FOXM1: variants seen among roughly 807,000 people sequenced by gnomAD.
FOXM1 encodes the protein forkhead box M1.
A neutral mutation model predicts 63.6 loss-of-function variants in FOXM1; 25 were observed. The ratio of observed to expected loss-of-function variants is 0.39; its 90% CI spans 0.29 to 0.55. The LOEUF is 0.55. Among genes scored for constraint, FOXM1 ranks in the 20% least tolerant of loss-of-function variants. FOXM1 has a pLI of 0.60. For missense variants in FOXM1, 879 were observed against 958.7 expected (o/e 0.92, Z 1.10); for synonymous variants, 387 against 376.9 (o/e 1.03, Z -0.31).
intron 8 of FOXM1, among the ~76,000 whole-genome samples, chr12:2,863,012 T>C (rs906024378): frequency 6.6e-6 from 1 of 152,050 alleles, no homozygotes; most frequent in Non-Finnish European, 1.5e-5. Context: ...TGATGGCTGA[T>C]CCAAGTTGGC....
chr12:2,875,259 C>T (rs2098140593), intron 1 of FOXM1, among the ~76,000 whole-genome samples: 1 of 152,156 alleles, frequency 6.6e-6, no homozygotes, highest in South Asian at 2.1e-4. Context: ...TCCCAAAGTG[C>T]TGGGATTACA....
At position 2,859,356 on chromosome 12, in the gene FOXM1, C is replaced by A. The variant is rs780641311; in HGVS notation, c.1574G>T (p.Arg525Leu). The change falls in exon 9 of 9, where the codon CGG becomes CTG. Residue 525 changes from arginine (R) to leucine (L), a missense_variant. Transcript: ENST00000359843. The part of the protein sequence containing the change: ...KSYSGLRSPT[R>L]CVSEMLVIQH... ...AATCACAAGCATTTCCGAGACACACCGGGTTGGGGACCTAAGCCCACTGTA... is the reference window on the plus strand; with the variant it reads ...AATCACAAGCATTTCCGAGACACACAGGGTTGGGGACCTAAGCCCACTGTA... 1 of 1,613,728 alleles carries A rather than the reference C, an allele frequency of 6.2e-7. No homozygotes were observed. Among genetic ancestry groups the A allele is most frequent in the Non-Finnish European group, 8.5e-7 (1 of 1,179,976 alleles).
rs998228169 is a variant in FOXM1 at position 2,857,872 on chromosome 12, T to C, written c.*766A>G. 4 of 152,290 alleles carry C rather than the reference T, an allele frequency of 2.6e-5. No homozygotes were observed. The highest frequency in any genetic ancestry group is 9.7e-5 in the African/African-American group (4 of 41,444). 9.4% of individuals were successfully genotyped at this position (152,290 alleles called of 1,614,324 possible). A position where few individuals can be genotyped will look rare whatever the true frequency, so the allele number is the denominator to read the frequency against. ...GTCAATGCCAGTCTCCCTGGTATGA[T>C]TGGGGACATTATCAGAGAAACATCT... On this transcript the variant is annotated 3_prime_UTR_variant, in exon 9 of 9. Coordinates refer to ENST00000359843, the MANE Select transcript of FOXM1 (RefSeq NM_021953.4).
At chr12:2,865,945 A>G (rs1396879461) in intron 5 of FOXM1, among the ~76,000 whole-genome samples, 1 of 152,062 alleles carries the variant, frequency 6.6e-6, no homozygotes, top group Non-Finnish European at 1.5e-5. Flanking sequence ...GAGCCACCAC[A>G]CCCAGCAGGA....
At chr12:2,875,861 A>T (rs950844663) in intron 1 of FOXM1, among the ~76,000 whole-genome samples, 1 of 151,364 alleles carries the variant, frequency 6.6e-6, no homozygotes, top group Non-Finnish European at 1.5e-5. Flanking sequence ...CCCGGGTTCA[A>T]GCGATTCTCC....
chr12:2,865,030 T>C (rs2098120605), intron 6 of FOXM1: 1 of 581,576 alleles, frequency 1.7e-6, no homozygotes, highest in South Asian at 2.1e-5. Context: ...CAGGTAGCTA[T>C]ATGCGTGGCA....
In FOXM1 at chr12:2,858,928, G is replaced by T. The variant is rs189481330; in HGVS notation, c.2002C>A (p.Pro668Thr). The change falls in exon 9 of 9, where the codon CCC becomes ACC. Residue 668 changes from proline to threonine, a missense_variant. This residue lies in a region of FOXM1 where 486 missense variants were observed against 453.5 expected (regional missense o/e 1.07). Coordinates refer to ENST00000359843, the MANE Select transcript of FOXM1 (RefSeq NM_021953.4). ...AGCCTTTGCGGTGATTCAAGGGGGG[G>T]AGCACTTTGCAAGGGAGTGGTGCTG... ...DLSTTPLQSA[P>T]PLESPQRLLS... The T allele has an allele frequency of 4.7e-4, 753 of 1,613,750 alleles. 4 individuals carry two copies. In the Admixed American group the frequency reaches 0.012, roughly 25 times the overall value.
Position 2,858,873 on chromosome 12 carries a change from G to C in FOXM1, c.2057C>G (p.Ser686Cys). The change falls in exon 9 of 9, where the codon TCC becomes TGC. Residue 686 changes from serine (S) to cysteine (C), a missense_variant. By Grantham distance (112) the Ser-to-Cys change is moderately radical. This residue lies in a region of FOXM1 where 486 missense variants were observed against 453.5 expected (regional missense o/e 1.07). Coordinates refer to ENST00000359843, the MANE Select transcript of FOXM1 (RefSeq NM_021953.4). ...GGGAGAAGAGTTGCCAAAGGGGACG[G>C]AGATGAGGTCTAAGGGTTCTGAACT... ...LLSSEPLDLI[S>C]VPFGNSSPSD... 1 of 1,614,150 alleles carries C rather than the reference G, an allele frequency of 6.2e-7. No individual in the cohort carries two copies. Among genetic ancestry groups the C allele is most frequent in the South Asian group, 1.1e-5 (1 of 91,080 alleles).
Position 2,864,768 on chromosome 12 carries a change from G to T in FOXM1, c.1021-16C>A. On this transcript the variant is annotated splice_polypyrimidine_tract_variant and intron_variant, in intron 6 of 8. Transcript: ENST00000359843. This position sits in a 1 kb window ranked among gnomAD's most constrained non-coding sequence, Gnocchi z 5.1. ...GTTTCTGCTGCTGCTTGTGGCAGAT[G>T]GGGAGAGAAAGAAACCTATGTTAAC... The T allele has an allele frequency of 6.2e-7, 1 of 1,613,666 alleles. No homozygotes were observed. Among genetic ancestry groups the T allele is most frequent in the South Asian group, 1.1e-5 (1 of 91,040 alleles).
In FOXM1 at chr12:2,864,409, G is replaced by A. The variant is rs762269481; in HGVS notation, c.1177C>T (p.Pro393Ser). The change falls in exon 8 of 9, where the codon CCC (proline) becomes TCC (serine). Residue 393 changes from proline (P) to serine (S), a missense_variant. By Grantham distance (74) the Pro-to-Ser change is moderately conservative. This residue lies in a region of FOXM1 where 76 missense variants were observed against 94.5 expected (regional missense o/e 0.80). Transcript: ENST00000359843. This position sits in a 1 kb window ranked among gnomAD's most constrained non-coding sequence, Gnocchi z 5.1. ...AGGGGCAATGGCACCTTCACCGAGG[G>A]CTGCAACACCAGTGACTGGTTCACC... ...FPVNQSLVLQ[P>S]SVKVPLPLAA... 1.9e-6 allele frequency: 3 copies of A among 1,614,036 alleles called. No homozygotes were observed. In the African/African-American group the frequency reaches 4.0e-5, roughly 22 times the overall value.
Position 2,874,133 on chromosome 12 carries a change from T to C in FOXM1, c.346A>G (p.Thr116Ala), listed in dbSNP as rs1434325724. The C allele has an allele frequency of 1.2e-6, 2 of 1,614,122 alleles. No homozygotes were observed. Among genetic ancestry groups the C allele is most frequent in the Admixed American group, 1.7e-5 (1 of 59,994 alleles). Residue 116 changes from threonine to alanine, a missense_variant, in exon 2 of 9, where the codon ACT becomes GCT. This residue lies in a region of FOXM1 where 255 missense variants were observed against 292.4 expected (regional missense o/e 0.87). Transcript: ENST00000359843. This position sits in a 1 kb window ranked among gnomAD's most constrained non-coding sequence, Gnocchi z 4.3. The part of the protein sequence containing the change: ...FILISCGGAP[T>A]QPPGLRPQTQ... ...TGAGGCCGGAGTCCTGGAGGCTGAG[T>C]TGGGGCTCCCCCACAGCTGATGAGG...
At position 2,873,989 on chromosome 12, in the gene FOXM1, G is replaced by A. The variant is rs143720765; in HGVS notation, c.490C>T (p.Arg164Trp). Residue 164 changes from arginine (R) to tryptophan (W), a missense_variant, in exon 2 of 9, where the codon CGG (arginine) becomes TGG (tryptophan). Coordinates refer to ENST00000359843, the MANE Select transcript of FOXM1 (RefSeq NM_021953.4). Reference protein sequence around the residue: ...RPPGALCEQKRETCADGEAAG... With the variant: ...RPPGALCEQKWETCADGEAAG... ...GAAGACCACATACCACAGGTCTCCC[G>A]TTTCTGCTCGCAAAGGGCTCCAGGT... is the stretch of plus-strand genomic sequence containing the variant. 1,274 of 1,612,380 alleles carry A rather than the reference G, an allele frequency of 7.9e-4. No homozygotes were observed. Among genetic ancestry groups the A allele is most frequent in the Non-Finnish European group, 1.0e-3 (1,201 of 1,178,778 alleles).
intron 8 of FOXM1, among the ~76,000 whole-genome samples, chr12:2,860,219 A>G (rs747084308): frequency 6.6e-6 from 1 of 152,214 alleles, no homozygotes; most frequent in Non-Finnish European, 1.5e-5. Context: ...ACCATAAACA[A>G]AGTTAAGAAA....
chr12:2,859,205 G>C lies in FOXM1; in HGVS notation c.1725C>G (p.Leu575=). Residue 575 remains leucine (L), a synonymous_variant, in exon 9 of 9, where the codon CTC becomes CTG. Coordinates refer to ENST00000359843, the MANE Select transcript of FOXM1 (RefSeq NM_021953.4). Reference sequence around the variant, plus strand: ...GGTCAGAGGAGTCTGCTGGGAACGGGAGCTCTGCGGCCCAGCGGGAAGTAC... The same window carrying C: ...GGTCAGAGGAGTCTGCTGGGAACGGCAGCTCTGCGGCCCAGCGGGAAGTAC... The part of the protein sequence containing the change: ...GPSTSRWAAE[L]PFPADSSDPA... The C allele has an allele frequency of 6.2e-7, 1 of 1,611,968 alleles. No individual in the cohort carries two copies. Among genetic ancestry groups the C allele is most frequent in the Non-Finnish European group, 8.5e-7 (1 of 1,178,840 alleles).
chr12:2,862,224 C>G lies in FOXM1; in HGVS notation c.1266+2096G>C, dbSNP rs942399082. On this transcript the variant is annotated intron_variant, in intron 8 of 8. Transcript: ENST00000359843. ...GAGACATGTAGAGAAGTATGCACAA[C>G]ATGATTACATTATCAATGTTCTGTG... 2.0e-5 allele frequency among the ~76,000 whole-genome samples: 3 copies of G among 148,820 alleles called. No homozygotes were observed. The Admixed American group carries it at 2.0e-4, about 10-fold the overall frequency.
At chr12:2,871,994 G>C in intron 3 of FOXM1, 102 bp downstream of exon 3, 2 of 1,242,666 alleles carry the variant, frequency 1.6e-6, no homozygotes, top group South Asian at 2.4e-5. Context: ...GCTAATACCA[G>C]AACTTGGAAA....
chr12:2,863,172 A>G (rs2098117021), intron 8 of FOXM1, among the ~76,000 whole-genome samples: 1 of 152,124 alleles, frequency 6.6e-6, no homozygotes, highest in African/African-American at 2.4e-5. Flanking sequence ...CTAGTGGGGA[A>G]AACAAGGGAT....
chr12:2,859,917 C>CAAAG, intron 8 of FOXM1: 1 of 424,388 alleles, frequency 2.4e-6, no homozygotes, highest in Non-Finnish European at 4.2e-6. Context: ...ACACTGTATA[C>CAAAG]AAAGATTTAA....
chr12:2,862,356 T>G (rs954898676), intron 8 of FOXM1, among the ~76,000 whole-genome samples: 1 of 151,966 alleles, frequency 6.6e-6, no homozygotes, highest in Admixed American at 6.6e-5. Context: ...CCAGTTATCT[T>G]GGGAGTAGGG....
Sources: gnomAD v4.1 joint callset for allele counts (sites outside exome capture counted in the v4.1 genomes callset) on GRCh38, gnomAD v4.1.1 for gene constraint, gnomAD v4.1.1 regional missense constraint, Gnocchi (gnomAD v3.1) non-coding constraint, MANE v1.5 for transcripts, NCBI Gene and HGNC (gene_info 2026-07-23, HGNC 2026-07-21) for gene names.